The following LHFPL6 variants were observed in gnomAD, a reference collection of about 807,000 sequenced individuals.
LHFPL6 encodes the protein LHFPL tetraspan subfamily member 6.
In LHFPL6, 9 loss-of-function variants were observed where a neutral mutation model predicts 20.6. The observed-to-expected ratio is 0.44, with a 90% confidence interval of 0.26 to 0.76. LHFPL6 has a LOEUF of 0.76. LHFPL6 is among the 30% of genes least tolerant of loss of function. LHFPL6 has a pLI of 0.20. For missense variants in LHFPL6, 218 were observed against 253.5 expected, an observed-to-expected ratio of 0.86 and a Z score of 0.95; for synonymous variants, 105 against 98.7, an observed-to-expected ratio of 1.06 and a Z score of -0.38.
chr13:39,592,042 G>C (rs1872618671), intron 2 of LHFPL6, among the ~76,000 whole-genome samples: 2 of 149,476 alleles, frequency 1.3e-5, no homozygotes, highest in Non-Finnish European at 3.0e-5. Context: ...TTTGCAGTGA[G>C]CCGAGATCAC....
chr13:39,466,182 A>G (rs1436381431), intron 2 of LHFPL6, among the ~76,000 whole-genome samples: 1 of 152,202 alleles, frequency 6.6e-6, no homozygotes, highest in Non-Finnish European at 1.5e-5. Context: ...AAAAACGTTC[A>G]GCCTAAATGT....
At chr13:39,356,991 G>A (rs1271526552) in intron 3 of LHFPL6, among the ~76,000 whole-genome samples, 3 of 152,144 alleles carry the variant, frequency 2.0e-5, no homozygotes, top group Non-Finnish European at 1.5e-5. Context: ...GCAACATGGT[G>A]AAACCCCATC....
chr13:39,448,335 C>CT (rs1169457259), intron 2 of LHFPL6, among the ~76,000 whole-genome samples: 2 of 152,162 alleles, frequency 1.3e-5, no homozygotes, highest in Non-Finnish European at 2.9e-5. Context: ...ACACGACCTG[C>CT]TTCTATGCAG....
intron 2 of LHFPL6, among the ~76,000 whole-genome samples, chr13:39,549,582 G>T (rs1871088786): frequency 6.6e-6 from 1 of 151,976 alleles, no homozygotes; most frequent in Admixed American, 6.6e-5. Flanking sequence ...ACAAAAAATG[G>T]TACAGCCACT....
At chr13:39,397,139 C>A (rs1452234868) in intron 2 of LHFPL6, among the ~76,000 whole-genome samples, 1 of 151,910 alleles carries the variant, frequency 6.6e-6, no homozygotes, top group East Asian at 1.9e-4. Context: ...CCCTCTTAGG[C>A]AATAAGTTAA....
chr13:39,585,330 G>T (rs572559092), intron 2 of LHFPL6, among the ~76,000 whole-genome samples: 1 of 152,158 alleles, frequency 6.6e-6, no homozygotes, highest in African/African-American at 2.4e-5. Flanking sequence ...TCCCAAAAAT[G>T]TGATATGGCA....
intron 3 of LHFPL6, among the ~76,000 whole-genome samples, chr13:39,352,978 T>C (rs1483847383): frequency 2.6e-4 from 35 of 132,102 alleles, no homozygotes; most frequent in East Asian, 9.4e-4. Flanking sequence ...CACACATATA[T>C]ATATATATAT....
intron 3 of LHFPL6, among the ~76,000 whole-genome samples, chr13:39,360,294 C>T (rs1869844652): frequency 1.0e-5 from 1 of 98,362 alleles, no homozygotes; most frequent in Non-Finnish European, 2.4e-5. Flanking sequence ...GCTGGGATTA[C>T]AGGCATGAGC....
At chr13:39,526,297 T>C (rs574794716) in intron 2 of LHFPL6, among the ~76,000 whole-genome samples, 222 of 152,250 alleles carry the variant, frequency 1.5e-3, no homozygotes, top group African/African-American at 5.0e-3. Context: ...TAGGCATTGA[T>C]AGTAGACAGG....
intron 3 of LHFPL6, among the ~76,000 whole-genome samples, chr13:39,345,508 A>G (rs1286378101): frequency 1.7e-5 from 2 of 116,134 alleles, no homozygotes; most frequent in African/African-American, 6.9e-5. Flanking sequence ...GCGAGACTCC[A>G]TCTCAAAAAA....
chr13:39,562,569 C>CAT (rs67177911), intron 2 of LHFPL6, among the ~76,000 whole-genome samples: 70 of 92,990 alleles, frequency 7.5e-4, no homozygotes, highest in Non-Finnish European at 1.5e-3. Context: ...TACATATACA[C>CAT]ATACATATAT....
At chr13:39,492,794 C>A (rs111989700) in intron 2 of LHFPL6, among the ~76,000 whole-genome samples, 7,480 of 152,060 alleles carry the variant, frequency 0.049, 595 homozygotes, top group African/African-American at 0.17. Flanking sequence ...GATTCTCCTG[C>A]CTCAGCCTCC....
At chr13:39,501,459 G>T (rs1593338131) in intron 2 of LHFPL6, among the ~76,000 whole-genome samples, 1 of 152,170 alleles carries the variant, frequency 6.6e-6, no homozygotes, top group East Asian at 1.9e-4. Context: ...AATGTTTAGA[G>T]AGTCTGTGCT....
intron 3 of LHFPL6, among the ~76,000 whole-genome samples, chr13:39,368,903 T>C (rs1391657918): frequency 6.6e-6 from 1 of 152,178 alleles, no homozygotes; most frequent in Non-Finnish European, 1.5e-5. Context: ...GAGCCACTAA[T>C]GATAAAAAGG....
chr13:39,534,727 C>T (rs1016698699), intron 2 of LHFPL6, among the ~76,000 whole-genome samples: 15 of 152,060 alleles, frequency 9.9e-5, no homozygotes, highest in African/African-American at 3.6e-4. Context: ...AACAGAGATG[C>T]TTTTACTATA....
intron 2 of LHFPL6, among the ~76,000 whole-genome samples, chr13:39,400,602 T>C (rs1870961397): frequency 6.6e-6 from 1 of 150,630 alleles, no homozygotes; most frequent in African/African-American, 2.4e-5. Flanking sequence ...GCTAAAACGG[T>C]GAAACCCCGT....
intron 2 of LHFPL6, among the ~76,000 whole-genome samples, chr13:39,574,478 G>A (rs1404041937): frequency 2.2e-5 from 3 of 134,128 alleles, no homozygotes; most frequent in South Asian, 2.3e-4. Context: ...TCAAGACTCC[G>A]TCTCAAAAAA....
At chr13:39,557,039 G>A (rs1035474233) in intron 2 of LHFPL6, among the ~76,000 whole-genome samples, 2 of 152,136 alleles carry the variant, frequency 1.3e-5, no homozygotes, top group Non-Finnish European at 2.9e-5. Context: ...TGGTCGAGAA[G>A]GATTCCAAGC....
intron 2 of LHFPL6, among the ~76,000 whole-genome samples, chr13:39,528,522 C>T (rs1175251803): frequency 6.6e-6 from 1 of 152,196 alleles, no homozygotes; most frequent in Non-Finnish European, 1.5e-5. Flanking sequence ...TCCCAGAGGC[C>T]AGCTGCTAAA....
Sources: gnomAD v4.1 joint callset for allele counts (sites outside exome capture counted in the v4.1 genomes callset) on GRCh38, gnomAD v4.1.1 for gene constraint, MANE v1.5 for transcripts, NCBI Gene and HGNC (gene_info 2026-07-23, HGNC 2026-07-21) for gene names.